Variants in PRKN observed in about 807,000 individuals in gnomAD.
PRKN encodes the protein E3 ubiquitin-protein ligase parkin.
PRKN carries 56 observed loss-of-function variants against 59.5 expected under a neutral mutation model. That is an observed-to-expected ratio of 0.94 (90% CI 0.76 to 1.18). PRKN has a LOEUF of 1.18. Ranked by LOEUF, PRKN falls within the 50% of genes most tolerant of loss-of-function variation. The pLI is 0.00. For synonymous variants in PRKN, 250 were observed against 222.1 expected (o/e 1.13, Z -1.12); for missense variants, 657 against 596.4 (o/e 1.10, Z -1.06).
At chr6:162,319,628 A>T (rs1030714815) in intron 2 of PRKN, among the ~76,000 whole-genome samples, 1 of 152,038 alleles carries the variant, frequency 6.6e-6, no homozygotes, top group African/African-American at 2.4e-5. Context: ...TAACAAACCA[A>T]TAAGGAAAAT....
chr6:162,618,276 G>C (rs546490681), intron 1 of PRKN, among the ~76,000 whole-genome samples: 76 of 152,136 alleles, frequency 5.0e-4, no homozygotes, highest in African/African-American at 1.8e-3. Context: ...TCAATGCATG[G>C]ATAATGGTGA....
chr6:162,711,128 A>G (rs746868926), intron 1 of PRKN, among the ~76,000 whole-genome samples: 10 of 152,160 alleles, frequency 6.6e-5, no homozygotes, highest in Non-Finnish European at 1.2e-4. Flanking sequence ...AGCCAAAAGG[A>G]CCAGTCAGCA....
intron 6 of PRKN, among the ~76,000 whole-genome samples, chr6:161,824,218 A>G (rs890171229): frequency 6.6e-5 from 10 of 152,156 alleles, no homozygotes; most frequent in Non-Finnish European, 8.8e-5. Flanking sequence ...GTGGATGGAG[A>G]AAAAGGAAGC....
intron 1 of PRKN, among the ~76,000 whole-genome samples, chr6:162,454,740 C>G (rs1443577133): frequency 1.3e-5 from 2 of 152,206 alleles, no homozygotes; most frequent in Admixed American, 1.3e-4. Context: ...TTTGTCCCAG[C>G]TTCCCTTCGA....
intron 7 of PRKN, among the ~76,000 whole-genome samples, chr6:161,718,645 C>T (rs1246078997): frequency 6.6e-6 from 1 of 152,096 alleles, no homozygotes; most frequent in Non-Finnish European, 1.5e-5. Flanking sequence ...GGGACTATCC[C>T]TAGCAGGCAC....
chr6:161,880,122 G>C (rs773787175), intron 6 of PRKN, among the ~76,000 whole-genome samples: 3 of 151,926 alleles, frequency 2.0e-5, no homozygotes, highest in Admixed American at 6.6e-5. Flanking sequence ...TCATGGCAAT[G>C]GTATATGTAG....
intron 2 of PRKN, among the ~76,000 whole-genome samples, chr6:162,395,539 G>C (rs1008909887): frequency 6.6e-6 from 1 of 152,262 alleles, no homozygotes; most frequent in East Asian, 1.9e-4. Flanking sequence ...CCCAAATCAA[G>C]AATCGCCCAG....
rs2115168418 is a variant in PRKN at position 161,462,523 on chromosome 6, C to A, written c.1084-75646G>T. ...TTTGACCAGTCATTAAAATGTGTGT[C>A]TTTCTGGAAAAATATTCTCTGAAGT... On this transcript the variant is annotated intron_variant, in intron 9 of 11. Coordinates refer to ENST00000366898, the MANE Select transcript of PRKN (RefSeq NM_004562.3). This position sits in a 1 kb window ranked among gnomAD's most constrained non-coding sequence, Gnocchi z 4.5. 6.6e-6 allele frequency among the ~76,000 whole-genome samples: 1 copy of A among 152,202 alleles called. No homozygotes were observed. Among genetic ancestry groups the A allele is most frequent in the East Asian group, 1.9e-4 (1 of 5,178 alleles).
chr6:162,649,326 C>A (rs1006745995), intron 1 of PRKN, among the ~76,000 whole-genome samples: 6 of 152,010 alleles, frequency 3.9e-5, no homozygotes, highest in Admixed American at 6.6e-5. Context: ...TTAAGGTAAC[C>A]ATATAATTCA....
At chr6:162,062,689 C>T (rs758927832) in intron 4 of PRKN, among the ~76,000 whole-genome samples, 4 of 152,122 alleles carry the variant, frequency 2.6e-5, no homozygotes, top group Non-Finnish European at 5.9e-5. Flanking sequence ...ATCTCGACTT[C>T]TAGCTGCCAG....
At chr6:162,103,206 AAAG>A (rs1780051318) in intron 4 of PRKN, among the ~76,000 whole-genome samples, 1 of 152,164 alleles carries the variant, frequency 6.6e-6, no homozygotes, top group Non-Finnish European at 1.5e-5. Context: ...AAAAAAAGAA[AAAG>A]AAAAAAAGCT....
In PRKN at chr6:161,488,182, CA is replaced by C. The variant is rs1242450251; in HGVS notation, c.1083+60671del. Among the ~76,000 whole-genome samples, 3 of 152,050 alleles carry C rather than the reference CA, an allele frequency of 2.0e-5. No homozygotes were observed. The highest frequency in any genetic ancestry group is 2.0e-4 in the Admixed American group (3 of 15,272). On this transcript the variant is annotated intron_variant, in intron 9 of 11. Transcript: ENST00000366898. This position sits in a 1 kb window ranked among gnomAD's most constrained non-coding sequence, Gnocchi z 4.5. ...GGCTAAATGAATGGAGGCAGCCATG[CA>C]AAAAGCTGAAGGAAGGTCCTCCAGG...
chr6:162,570,781 T>TA (rs1780290557), intron 1 of PRKN, among the ~76,000 whole-genome samples: 1 of 151,904 alleles, frequency 6.6e-6, no homozygotes. Context: ...CCCATGGACA[T>TA]AGAGAGTAGG....
At chr6:161,834,253 G>T (rs1792643519) in intron 6 of PRKN, among the ~76,000 whole-genome samples, 1 of 151,894 alleles carries the variant, frequency 6.6e-6, no homozygotes, top group African/African-American at 2.4e-5. Context: ...CCCTTAGTCG[G>T]TCTACACAGC....
At chr6:162,645,432 C>T (rs1342134373) in intron 1 of PRKN, among the ~76,000 whole-genome samples, 1 of 152,088 alleles carries the variant, frequency 6.6e-6, no homozygotes, top group African/African-American at 2.4e-5. Context: ...ACCTGTCTTA[C>T]AGAAGACAGC....
intron 1 of PRKN, among the ~76,000 whole-genome samples, chr6:162,520,587 T>G (rs1046716191): frequency 6.6e-6 from 1 of 152,166 alleles, no homozygotes; most frequent in South Asian, 2.1e-4. Context: ...CAAATATTAT[T>G]ACAAACCAAT....
At chr6:161,831,780 G>A (rs554978420) in intron 6 of PRKN, among the ~76,000 whole-genome samples, 3 of 143,174 alleles carry the variant, frequency 2.1e-5, no homozygotes, top group African/African-American at 2.7e-5. Flanking sequence ...AAAAATAAGA[G>A]GTTCAGGGAG....
intron 1 of PRKN, 37 bp downstream of exon 1, chr6:162,727,625 G>A (rs779917361): frequency 2.4e-5 from 38 of 1,574,932 alleles, no homozygotes; most frequent in Non-Finnish European, 3.0e-5. Flanking sequence ...GGCGTGGGGC[G>A]GCGCAGAGAG....
intron 1 of PRKN, among the ~76,000 whole-genome samples, chr6:162,618,639 G>C (rs1432628226): frequency 6.6e-6 from 1 of 152,144 alleles, no homozygotes; most frequent in African/African-American, 2.4e-5. Context: ...TAATAAAAAT[G>C]CTGACAGAGC....
Sources: gnomAD v4.1 joint callset for allele counts (sites outside exome capture counted in the v4.1 genomes callset) on GRCh38, gnomAD v4.1.1 for gene constraint, Gnocchi (gnomAD v3.1) non-coding constraint, MANE v1.5 for transcripts, NCBI Gene and HGNC (gene_info 2026-07-23, HGNC 2026-07-21) for gene names.